SH3KBP1: variants seen among roughly 807,000 people sequenced by gnomAD.
SH3KBP1 encodes SH3 domain containing kinase binding protein 1, also known as SH3 domain-containing kinase-binding protein 1.
Under a neutral mutation model 50.1 loss-of-function variants are expected in SH3KBP1, and 8 were observed. That is an observed-to-expected ratio of 0.16 (90% confidence interval 0.09 to 0.29). The LOEUF (loss-of-function observed/expected upper bound fraction) is 0.29. Ranked by LOEUF, SH3KBP1 falls within the 10% of genes least tolerant of loss-of-function variation. The probability of loss-of-function intolerance (pLI) is 1.00; values close to 1 mark genes in which losing one functional copy is unlikely to be tolerated. For missense variants in SH3KBP1, 377 were observed against 535.2 expected (o/e 0.70, Z 2.92); for synonymous variants, 227 against 218.6 (o/e 1.04, Z -0.34).
chrX:19,756,563 T>C (rs887447076), intron 2 of SH3KBP1, among the ~76,000 whole-genome samples: 4 of 111,796 alleles, frequency 3.6e-5, no homozygotes, highest in African/African-American at 1.3e-4. Flanking sequence ...AATTGATAAA[T>C]AAATTTGTAC....
intron 1 of SH3KBP1, among the ~76,000 whole-genome samples, chrX:19,874,341 G>A (rs896223505): frequency 3.2e-5 from 3 of 92,645 alleles, no homozygotes; most frequent in African/African-American, 1.2e-4. Flanking sequence ...GTTCCGGGGA[G>A]AGAACTGGGG....
Position 19,875,680 on chromosome X carries a change from T to C in SH3KBP1, c.4+11627A>G, listed in dbSNP as rs762350631. 9.9e-5 allele frequency among the ~76,000 whole-genome samples: 11 copies of C among 111,439 alleles called. No homozygotes were observed. The East Asian group carries it at 2.8e-3, about 29-fold the overall frequency. On this transcript the variant is annotated intron_variant, in intron 1 of 17. Coordinates refer to ENST00000397821, the MANE Select transcript of SH3KBP1 (RefSeq NM_031892.3). ...AGCAGCCACCTGTGTATATGGAGGG[T>C]GGAGGTGGGAGGAGACAGAAGCTCC...
At chrX:19,559,367 G>A (rs2065598348) in intron 13 of SH3KBP1, among the ~76,000 whole-genome samples, 1 of 99,744 alleles carries the variant, frequency 1.0e-5, no homozygotes, top group African/African-American at 3.7e-5. Context: ...ACCCAGGCTG[G>A]AGTGCAGTGG....
chrX:19,874,068 A>AATATATAT (rs1412019430), intron 1 of SH3KBP1, among the ~76,000 whole-genome samples: 8 of 57,031 alleles, frequency 1.4e-4, no homozygotes, highest in African/African-American at 1.3e-3. Flanking sequence ...AAAAAAAAAA[A>AATATATAT]ATATATATAT....
chrX:19,760,387 A>AAAAT (rs761098345), intron 2 of SH3KBP1, among the ~76,000 whole-genome samples: 5,880 of 93,606 alleles, frequency 0.063, 513 homozygotes, highest in African/African-American at 0.21. Context: ...ATTCTGTCTC[A>AAAAT]AAATAAATAA....
intron 6 of SH3KBP1, among the ~76,000 whole-genome samples, chrX:19,650,957 A>G (rs1235483715): frequency 8.9e-6 from 1 of 112,239 alleles, no homozygotes; most frequent in Non-Finnish European, 1.9e-5. Flanking sequence ...ACAGTTATCT[A>G]TATATGACCA....
intron 13 of SH3KBP1, 21 bp downstream of exon 13, chrX:19,569,082 G>A (rs760255704): frequency 8.5e-6 from 10 of 1,181,850 alleles, no homozygotes; most frequent in African/African-American, 7.0e-5. Flanking sequence ...AAAGAGAAGC[G>A]AGAACACTGT....
chrX:19,571,215 G>T (rs1316080685), intron 12 of SH3KBP1, among the ~76,000 whole-genome samples: 1 of 112,278 alleles, frequency 8.9e-6, no homozygotes, highest in Non-Finnish European at 1.9e-5. Context: ...TGCTGGCTGG[G>T]CCCTTCCAAG....
intron 2 of SH3KBP1, among the ~76,000 whole-genome samples, chrX:19,804,246 C>A (rs1006239324): frequency 9.0e-6 from 1 of 111,584 alleles, no homozygotes; most frequent in South Asian, 3.7e-4. Context: ...TTTAAATATT[C>A]ACGATGGTAA....
chrX:19,659,321 G>A (rs2062390761), intron 6 of SH3KBP1, among the ~76,000 whole-genome samples: 1 of 109,839 alleles, frequency 9.1e-6, no homozygotes, highest in African/African-American at 3.3e-5. Context: ...CACCGTGTTG[G>A]TCAGGCTGGT....
rs561522470 is a variant in SH3KBP1 at position 19,558,817 on chromosome X, A to G, written c.1385-8734T>C. Among the ~76,000 whole-genome samples, 66 of 112,386 alleles carry G rather than the reference A, an allele frequency of 5.9e-4. 1 individual carries two copies. In the South Asian group the frequency reaches 0.022, roughly 38 times the overall value. On this transcript the variant is annotated intron_variant, in intron 13 of 17. Coordinates refer to ENST00000397821, the MANE Select transcript of SH3KBP1 (RefSeq NM_031892.3). The stretch of plus-strand genomic sequence containing the variant: ...AACACATTTTGATAAATAATTTTTA[A>G]GCATGACAAAACAGAATTTTATTGG...
chrX:19,694,701 C>T (rs1004311312), intron 5 of SH3KBP1, among the ~76,000 whole-genome samples: 2 of 111,714 alleles, frequency 1.8e-5, no homozygotes, highest in African/African-American at 6.5e-5. Context: ...ACCTCCAAAT[C>T]AGACACTTGT....
At chrX:19,813,322 T>C (rs1039652258) in intron 2 of SH3KBP1, among the ~76,000 whole-genome samples, 18 of 108,954 alleles carry the variant, frequency 1.7e-4, no homozygotes, top group African/African-American at 5.4e-4. Context: ...TTTCTGCCCA[T>C]TTCTTTTTTT....
chrX:19,837,599 C>G (rs1356292664), intron 1 of SH3KBP1, among the ~76,000 whole-genome samples: 1 of 107,810 alleles, frequency 9.3e-6, no homozygotes, highest in Non-Finnish European at 1.9e-5. Context: ...TGCCACCCCA[C>G]CCAGCTAATT....
chrX:19,801,470 GTAAC>G (rs912950208), intron 2 of SH3KBP1, among the ~76,000 whole-genome samples: 29 of 112,380 alleles, frequency 2.6e-4, no homozygotes, highest in Non-Finnish European at 4.3e-4. Context: ...AGGCTAAGCA[GTAAC>G]TAACCGGGTA....
At chrX:19,879,637 C>T (rs1030424543) in intron 1 of SH3KBP1, among the ~76,000 whole-genome samples, 1 of 112,582 alleles carries the variant, frequency 8.9e-6, no homozygotes, top group Non-Finnish European at 1.9e-5. Context: ...CTCTCCCCAG[C>T]TTAACTACCT....
At chrX:19,726,667 G>C in intron 3 of SH3KBP1, among the ~76,000 whole-genome samples, 1 of 85,977 alleles carries the variant, frequency 1.2e-5, no homozygotes, top group Non-Finnish European at 2.5e-5. Flanking sequence ...TAACTGATAC[G>C]ACAACACTTG....
rs1602374310 is a variant in SH3KBP1 at position 19,534,564 on chromosome X, C to T, written c.*1853G>A. On this transcript the variant is annotated 3_prime_UTR_variant, in exon 18 of 18. Coordinates refer to ENST00000397821, the MANE Select transcript of SH3KBP1 (RefSeq NM_031892.3). ...ATCTCTGGAATCTTCAAGTTTAACG[C>T]AGAAATGCTTATAACTGTCAAGGGG... 2 of 229,369 alleles carry T rather than the reference C, an allele frequency of 8.7e-6. No individual in the cohort carries two copies. Among genetic ancestry groups the T allele is most frequent in the East Asian group, 6.8e-5 (1 of 14,757 alleles). 18.9% of individuals were successfully genotyped at this position (229,369 alleles called of 1,213,427 possible).
intron 2 of SH3KBP1, among the ~76,000 whole-genome samples, chrX:19,769,833 T>C (rs1210859710): frequency 9.0e-6 from 1 of 111,356 alleles, no homozygotes; most frequent in Non-Finnish European, 1.9e-5. Context: ...TCCAGAAGTT[T>C]ATTCTTTCCA....
Sources: allele counts gnomAD v4.1 joint callset (sites outside exome capture counted in the v4.1 genomes callset), GRCh38; gene constraint gnomAD v4.1.1; transcripts MANE v1.5; gene names NCBI Gene and HGNC (gene_info 2026-07-23, HGNC 2026-07-21).